Variants in LRTM1 observed in about 807,000 individuals in gnomAD.
LRTM1 encodes leucine rich repeat transmembrane protein 1.
LRTM1 carries 38 observed loss-of-function variants against 32.4 expected under a neutral mutation model. The ratio of observed to expected loss-of-function variants is 1.17; its 90% CI spans 0.91 to 1.54. The LOEUF (loss-of-function observed/expected upper bound fraction) is 1.54. Ranked by LOEUF, LRTM1 falls within the 40% of genes most tolerant of loss-of-function variation. The probability of loss-of-function intolerance (pLI) is 0.00; values close to 1 mark genes in which losing one functional copy is unlikely to be tolerated. For missense variants in LRTM1, 466 were observed against 415.4 expected (o/e 1.12, Z -1.06); for synonymous variants, 186 against 169.9 (o/e 1.09, Z -0.74).
chr3:54,921,652 C>T (rs1237906481), intron 2 of LRTM1, among the ~76,000 whole-genome samples: 1 of 152,106 alleles, frequency 6.6e-6, no homozygotes, highest in African/African-American at 2.4e-5. Flanking sequence ...GGCCATAAAG[C>T]CCCCGTGTAA....
At chr3:54,966,120 A>G (rs1254641820) in intron 1 of LRTM1, among the ~76,000 whole-genome samples, 1 of 152,104 alleles carries the variant, frequency 6.6e-6, no homozygotes, top group Non-Finnish European at 1.5e-5. Context: ...TGAGGGCTCC[A>G]TCAGAGAACG....
At chr3:54,956,703 C>G (rs1701904459) in intron 1 of LRTM1, among the ~76,000 whole-genome samples, 1 of 152,028 alleles carries the variant, frequency 6.6e-6, no homozygotes, top group South Asian at 2.1e-4. Flanking sequence ...AGGTAATGGC[C>G]TAATCACCTA....
At chr3:54,966,496 C>T (rs187092007) in intron 1 of LRTM1, among the ~76,000 whole-genome samples, 142 of 152,296 alleles carry the variant, frequency 9.3e-4, no homozygotes, top group Non-Finnish European at 1.6e-3. Flanking sequence ...CCCACCTTGG[C>T]TGTGCGTGAG....
intron 2 of LRTM1, among the ~76,000 whole-genome samples, chr3:54,920,539 A>T (rs1014633141): frequency 6.6e-5 from 10 of 152,192 alleles, no homozygotes; most frequent in African/African-American, 2.4e-4. Flanking sequence ...CTGAGGCCAG[A>T]GGTTCAGAGC....
intron 1 of LRTM1, among the ~76,000 whole-genome samples, chr3:54,959,452 T>C (rs1701979938): frequency 6.6e-6 from 1 of 152,224 alleles, no homozygotes; most frequent in Admixed American, 6.5e-5. Context: ...ATTTTAGTGC[T>C]ATTTTATATT....
chr3:54,937,915 C>T lies in LRTM1; in HGVS notation c.-221-12700G>A, dbSNP rs186328424. Reference sequence around the variant, plus strand: ...GGTTGCTGTCCCCGACCTCATCTCCCGGTCACTTTATTATTAATATTGAAA... The same window carrying T: ...GGTTGCTGTCCCCGACCTCATCTCCTGGTCACTTTATTATTAATATTGAAA... On this transcript the variant is annotated intron_variant, in intron 1 of 2. Coordinates refer to the LRTM1 transcript ENST00000493075. 2.4e-4 allele frequency among the ~76,000 whole-genome samples: 36 copies of T among 152,202 alleles called. 1 individual carries two copies. In the East Asian group the frequency reaches 5.8e-3, roughly 25 times the overall value.
At chr3:54,928,948 C>A (rs1701108942), upstream of LRTM1, among the ~76,000 whole-genome samples, 1 of 152,132 alleles carries the variant, frequency 6.6e-6, no homozygotes, top group Non-Finnish European at 1.5e-5. Context: ...ATGTGGAAAT[C>A]CCCTGCCATT....
upstream of LRTM1, among the ~76,000 whole-genome samples, chr3:54,929,385 G>A (rs546995522): frequency 3.7e-4 from 57 of 152,350 alleles, no homozygotes; most frequent in Non-Finnish European, 3.4e-4. Flanking sequence ...GGAATGTCCT[G>A]AGGGAGGTCT....
At chr3:54,925,267 A>G (rs1051646706) in intron 1 of LRTM1, 52 bp from the exon 2 acceptor site, 3 of 1,457,476 alleles carry the variant, frequency 2.1e-6, no homozygotes, top group Non-Finnish European at 2.8e-6. Context: ...GAGGTGTGGT[A>G]TCAGCACTTT....
At chr3:54,953,238 T>C (rs1701801670) in intron 1 of LRTM1, among the ~76,000 whole-genome samples, 1 of 152,166 alleles carries the variant, frequency 6.6e-6, no homozygotes, top group African/African-American at 2.4e-5. Context: ...CTGTTCCCAT[T>C]GTGCAAATGA....
chr3:54,948,930 A>G (rs1278547167), intron 1 of LRTM1, among the ~76,000 whole-genome samples: 1 of 152,206 alleles, frequency 6.6e-6, no homozygotes, highest in South Asian at 2.1e-4. Flanking sequence ...TTGGAAATAC[A>G]TTGTTTCATG....
intron 1 of LRTM1, among the ~76,000 whole-genome samples, chr3:54,958,759 G>A (rs981109180): frequency 6.6e-6 from 1 of 151,792 alleles, no homozygotes; most frequent in South Asian, 2.1e-4. Flanking sequence ...TCATTGCCTG[G>A]GGATGTTCTG....
chr3:54,960,300 G>T (rs1465403442), intron 1 of LRTM1, among the ~76,000 whole-genome samples: 1 of 152,060 alleles, frequency 6.6e-6, no homozygotes, highest in Non-Finnish European at 1.5e-5. Context: ...CATATATCAT[G>T]GAGTGCTTTG....
chr3:54,947,985 C>G (rs1305610802), intron 1 of LRTM1, among the ~76,000 whole-genome samples: 6 of 152,210 alleles, frequency 3.9e-5, no homozygotes, highest in African/African-American at 1.4e-4. Context: ...AAATGCTAAT[C>G]TGGAACCACA....
chr3:54,943,147 G>A (rs1210812795), intron 1 of LRTM1, among the ~76,000 whole-genome samples: 4 of 150,762 alleles, frequency 2.7e-5, no homozygotes, highest in African/African-American at 9.8e-5. Flanking sequence ...GGCTACAGTG[G>A]ACTATGATCA....
intron 1 of LRTM1, among the ~76,000 whole-genome samples, chr3:54,926,443 C>T (rs140255452): frequency 6.6e-6 from 1 of 151,608 alleles, no homozygotes; most frequent in East Asian, 2.0e-4. Flanking sequence ...TACTGTGCTC[C>T]ACTTTTCCTC....
At chr3:54,961,883 A>G (rs1702036562) in intron 1 of LRTM1, among the ~76,000 whole-genome samples, 1 of 152,068 alleles carries the variant, frequency 6.6e-6, no homozygotes, top group Non-Finnish European at 1.5e-5. Context: ...CTCTTCTCAG[A>G]GGCTGAGAAG....
chr3:54,919,054 G>T (rs576851886), intron 2 of LRTM1, among the ~76,000 whole-genome samples, 162 bp from the exon 3 acceptor site: 1 of 151,714 alleles, frequency 6.6e-6, no homozygotes, highest in Non-Finnish European at 1.5e-5. Context: ...ATGATTTTAG[G>T]ATTCCTAAAT....
At chr3:54,919,885 C>G (rs1700785343) in intron 2 of LRTM1, among the ~76,000 whole-genome samples, 1 of 152,204 alleles carries the variant, frequency 6.6e-6, no homozygotes. Context: ...CATGCTCAGT[C>G]CAAGTTTTTT....
Sources: gnomAD v4.1 joint callset for allele counts (sites outside exome capture counted in the v4.1 genomes callset) on GRCh38, gnomAD v4.1.1 for gene constraint, MANE v1.5 for transcripts, NCBI Gene and HGNC (gene_info 2026-07-23, HGNC 2026-07-21) for gene names.